The following CSF1 variants were observed in gnomAD, a reference collection of about 807,000 sequenced individuals.
The protein encoded by CSF1 is colony stimulating factor 1.
In CSF1, 9 loss-of-function variants were observed where a neutral mutation model predicts 48.9. The ratio of observed to expected loss-of-function variants is 0.18; its 90% CI spans 0.11 to 0.32. CSF1 has a LOEUF of 0.32. Ranked by LOEUF, CSF1 falls within the 10% of genes least tolerant of loss-of-function variation. The pLI is 1.00. For missense variants in CSF1, 672 were observed against 697.9 expected (o/e 0.96, Z 0.42); for synonymous variants, 305 against 284.1 (o/e 1.07, Z -0.74).
chr1:109,919,754 T>C (rs990964319), intron 4 of CSF1, among the ~76,000 whole-genome samples: 1 of 149,550 alleles, frequency 6.7e-6, no homozygotes, highest in Non-Finnish European at 1.5e-5. Context: ...AGGTCAGGAG[T>C]TCAAGACCAG....
At chr1:109,925,240 C>T (rs781655485) in intron 8 of CSF1, 38 bp downstream of exon 8, 1 of 1,565,568 alleles carries the variant, frequency 6.4e-7, no homozygotes. Flanking sequence ...CTAAAACTTA[C>T]CTATACCCTT....
At position 109,930,488 on chromosome 1, in the gene CSF1, C is replaced by G. The variant is rs915189373; in HGVS notation, c.*1650C>G. The G allele has an allele frequency of 1.3e-5, 2 of 152,340 alleles. No individual in the cohort carries two copies. Among genetic ancestry groups the G allele is most frequent in the East Asian group, 3.9e-4 (2 of 5,192 alleles). The allele number at this position is 152,340 out of a possible 1,614,324, so 9.4% of individuals were successfully genotyped here. On this transcript the variant is annotated 3_prime_UTR_variant, in exon 9 of 9. Coordinates refer to ENST00000329608, the MANE Select transcript of CSF1 (RefSeq NM_000757.6). ...CCTGCCCTACCTGGCCGCTGGGCCCCGTGACTTTCCCTTCCTGCCCAGGAA... is the reference window on the plus strand; with the variant it reads ...CCTGCCCTACCTGGCCGCTGGGCCCGGTGACTTTCCCTTCCTGCCCAGGAA...
At chr1:109,919,160 G>T (rs1486641032) in intron 4 of CSF1, among the ~76,000 whole-genome samples, 1 of 152,216 alleles carries the variant, frequency 6.6e-6, no homozygotes, top group East Asian at 1.9e-4. Flanking sequence ...CACTGTGGAA[G>T]AACTTGGATC....
intron 1 of CSF1, among the ~76,000 whole-genome samples, 195 bp downstream of exon 1, chr1:109,911,257 C>A (rs1032341795): frequency 2.0e-5 from 3 of 152,128 alleles, no homozygotes; most frequent in African/African-American, 7.2e-5. Flanking sequence ...GGCGGCCCTG[C>A]AGCTGCACCG....
chr1:109,917,494 T>A (rs758414025), intron 4 of CSF1, 31 bp downstream of exon 4: 1 of 1,610,318 alleles, frequency 6.2e-7, no homozygotes, highest in East Asian at 2.2e-5. Flanking sequence ...GAGCACTGAG[T>A]GAGGGCAGAG....
rs141065019 is a variant in CSF1, at chr1:109,917,310, C to T, written c.243C>T (p.Tyr81=). Residue 81 remains tyrosine, a synonymous_variant, in exon 4 of 9, where the codon TAC becomes TAT. Transcript: ENST00000329608. The stretch of plus-strand genomic sequence containing the variant: ...TTTTTCAGAAAGATCCAGTGTGCTA[C>T]CTTAAGAAGGCATTTCTCCTGGTAC... ...DQEQLKDPVC[Y]LKKAFLLVQD... 8.4e-5 allele frequency: 135 copies of T among 1,614,134 alleles called. No individual in the cohort carries two copies. In the African/African-American group the frequency reaches 1.6e-3, roughly 19 times the overall value.
chr1:109,914,363 G>A lies in CSF1; in HGVS notation c.144G>A (p.Leu48=). 1.2e-6 allele frequency: 2 copies of A among 1,602,662 alleles called. No individual in the cohort carries two copies. Among genetic ancestry groups the A allele is most frequent in the East Asian group, 2.3e-5 (1 of 44,428 alleles). The part of the protein sequence containing the change: ...YCSHMIGSGH[L]QSLQRLIDSQ... ...GCCACATGATTGGGAGTGGACACCT[G>A]CAGTCTCTGCAGCGGCTGGTGAGTG... Residue 48 remains leucine, a synonymous_variant, in exon 2 of 9, where the codon CTG becomes CTA. Coordinates refer to ENST00000329608, the MANE Select transcript of CSF1 (RefSeq NM_000757.6).
Position 109,915,615 on chromosome 1 carries a change from G to C in CSF1, c.163-19G>C. On this transcript the variant is annotated intron_variant, in intron 2 of 8. Coordinates refer to ENST00000329608, the MANE Select transcript of CSF1 (RefSeq NM_000757.6). ...AGCTGTAGGTTACCCTGCAATCGTT[G>C]GCCTGCTCTCTCTTACAGATTGACA... The C allele has an allele frequency of 1.2e-6, 2 of 1,610,436 alleles. No individual in the cohort carries two copies. The highest frequency in any genetic ancestry group is 1.7e-6 in the Non-Finnish European group (2 of 1,176,648).
intron 1 of CSF1, among the ~76,000 whole-genome samples, chr1:109,914,045 G>A (rs1654793244): frequency 6.6e-6 from 1 of 152,224 alleles, no homozygotes; most frequent in African/African-American, 2.4e-5. Flanking sequence ...CTTGTAGAAG[G>A]TGACATCTGG....
rs751289661 is a variant in CSF1, at chr1:109,924,805, T to C, written c.1599T>C (p.Ser533=). 4 of 1,604,026 alleles carry C rather than the reference T, an allele frequency of 2.5e-6. No individual in the cohort carries two copies. The highest frequency in any genetic ancestry group is 2.6e-6 in the Non-Finnish European group (3 of 1,175,302). The change falls in exon 7 of 9, where the codon TCT becomes TCC. Residue 533 remains serine (S), a synonymous_variant. Transcript: ENST00000329608. The part of the protein sequence containing the change: ...RSHQEPQRAD[S]PLEQPEGSPL... The stretch of plus-strand genomic sequence containing the variant: ...ATCAAGAGCCTCAGAGAGCGGATTC[T>C]CCCTTGGAGCAACCAGAGGGCAGGT...
chr1:109,922,116 G>A (rs560880023), intron 5 of CSF1, 122 bp downstream of exon 5: 21 of 1,179,000 alleles, frequency 1.8e-5, no homozygotes, highest in South Asian at 1.6e-5. Context: ...TCGTGTTCCC[G>A]TGTGCATGAA....
chr1:109,911,604 C>A lies in CSF1; in HGVS notation c.39+542C>A, dbSNP rs115396258. 6.7e-3 allele frequency among the ~76,000 whole-genome samples: 1,022 copies of A among 152,070 alleles called. 19 individuals are homozygous for A. The highest frequency in any genetic ancestry group is 0.023 in the African/African-American group (974 of 41,454). ...GCAAGCCACTGCTTGTTCCAGCCCACAGGCAGGAGCTACGGAGGACTTGGG... is the reference window on the plus strand; with the variant it reads ...GCAAGCCACTGCTTGTTCCAGCCCAAAGGCAGGAGCTACGGAGGACTTGGG... On this transcript the variant is annotated intron_variant, in intron 1 of 8. Transcript: ENST00000329608.
At position 109,922,716 on chromosome 1, in the gene CSF1, C is replaced by G. The variant is rs562471954; in HGVS notation, c.545-450C>G. Among the ~76,000 whole-genome samples the G allele has an allele frequency of 2.1e-5, 3 of 145,416 alleles. No homozygotes were observed. In the South Asian group the frequency reaches 6.6e-4, roughly 32 times the overall value. On this transcript the variant is annotated intron_variant, in intron 5 of 8. Coordinates refer to ENST00000329608, the MANE Select transcript of CSF1 (RefSeq NM_000757.6). ...GGCTGCATTCTAGCCCCAGCCTGTT[C>G]CTGCCTGTGGCTGTGGCTGTGGCTG...
At chr1:109,923,102 C>A in intron 5 of CSF1, 64 bp from the exon 6 acceptor site, 1 of 1,448,650 alleles carries the variant, frequency 6.9e-7, no homozygotes, top group Non-Finnish European at 9.3e-7. Flanking sequence ...GAAAGCTGTG[C>A]TGGAGGCTAG....
chr1:109,925,415 C>G (rs544367667), intron 8 of CSF1, among the ~76,000 whole-genome samples: 4 of 152,220 alleles, frequency 2.6e-5, no homozygotes, highest in African/African-American at 9.6e-5. Context: ...CATCCACCCC[C>G]GCTGAGGCCA....
chr1:109,914,347 T>C lies in CSF1; in HGVS notation c.128T>C (p.Ile43Thr). The C allele has an allele frequency of 1.2e-6, 2 of 1,606,624 alleles. No individual in the cohort carries two copies. Among genetic ancestry groups the C allele is most frequent in the Non-Finnish European group, 1.7e-6 (2 of 1,176,480 alleles). The change falls in exon 2 of 9, where the codon ATT becomes ACT. Residue 43 changes from isoleucine (I) to threonine (T), a missense_variant. Physicochemically the swap from Ile to Thr is moderately conservative, Grantham distance 89. Coordinates refer to ENST00000329608, the MANE Select transcript of CSF1 (RefSeq NM_000757.6). ...GTGTCGGAGTACTGTAGCCACATGA[T>C]TGGGAGTGGACACCTGCAGTCTCTG... ...EEVSEYCSHM[I>T]GSGHLQSLQR... is the part of the protein sequence containing the mutation.
At chr1:109,917,808 T>A (rs1053723751) in intron 4 of CSF1, among the ~76,000 whole-genome samples, 5 of 152,212 alleles carry the variant, frequency 3.3e-5, no homozygotes, top group African/African-American at 1.2e-4. Context: ...GTGTCTGTTG[T>A]GTACCAGACA....
chr1:109,910,799 C>A, upstream of CSF1: 1 of 224,640 alleles, frequency 4.5e-6, no homozygotes, highest in South Asian at 9.8e-5. Context: ...TCCCATAAAC[C>A]ACATGCCCCC....
intron 8 of CSF1, among the ~76,000 whole-genome samples, chr1:109,925,410 A>AC (rs1351412909): frequency 6.8e-6 from 1 of 147,650 alleles, no homozygotes; most frequent in Non-Finnish European, 1.5e-5. Flanking sequence ...CATTCCATCC[A>AC]CCCCCGCTGA....
Sources: allele counts gnomAD v4.1 joint callset (sites outside exome capture counted in the v4.1 genomes callset), GRCh38; gene constraint gnomAD v4.1.1; transcripts MANE v1.5; gene names NCBI Gene and HGNC (gene_info 2026-07-23, HGNC 2026-07-21).